TCF7L1: variants seen among roughly 807,000 people sequenced by gnomAD.
TCF7L1 encodes transcription factor 7 like 1.
A neutral mutation model predicts 63.7 loss-of-function variants in TCF7L1; 18 were observed. That is an observed-to-expected ratio of 0.28 (90% CI 0.20 to 0.42). TCF7L1 has a LOEUF of 0.42. Ranked by LOEUF, TCF7L1 falls within the 10% of genes least tolerant of loss-of-function variation. The probability of loss-of-function intolerance (pLI) is 1.00; values close to 1 mark genes in which losing one functional copy is unlikely to be tolerated. For missense variants in TCF7L1, 654 were observed against 779.3 expected, an observed-to-expected ratio of 0.84 and a Z score of 1.91; for synonymous variants, 355 against 340.9, an observed-to-expected ratio of 1.04 and a Z score of -0.46.
rs776421132 is a variant in TCF7L1 at position 85,134,993 on chromosome 2, C to G, written c.441+543C>G. 1.1e-4 allele frequency among the ~76,000 whole-genome samples: 17 copies of G among 152,194 alleles called. No homozygotes were observed. The highest frequency in any genetic ancestry group is 3.3e-4 in the Admixed American group (5 of 15,280). On this transcript the variant is annotated intron_variant, in intron 3 of 11. Transcript: ENST00000282111. This position sits in a 1 kb window ranked among gnomAD's most constrained non-coding sequence, Gnocchi z 5.0. ...CGGAGCTAGCTCCGAATTTTAAACT[C>G]GCGTAGATGATTTCGAGGCGACCCA...
chr2:85,153,340 A>ATGTTTTTTTTTTTTTTTTTTTTTTTT lies in TCF7L1; in HGVS notation c.441+18891_441+18892insGTTTTTTTTTTTTTTTTTTTTTTTTT, dbSNP rs750002994. The stretch of plus-strand genomic sequence containing the variant: ...TTCATGATCTTGCTAGCCTTTATAA[A>ATGTTTTTTTTTTTTTTTTTTTTTTTT]TTTTTTTTTTTTTTTTTTTGAGATG... On this transcript the variant is annotated intron_variant, in intron 3 of 11. Transcript: ENST00000282111. Among the ~76,000 whole-genome samples the ATGTTTTTTTTTTTTTTTTTTTTTTTT allele has an allele frequency of 3.7e-4, 38 of 102,268 alleles. 1 individual carries two copies. The highest frequency in any genetic ancestry group is 6.0e-4 in the Admixed American group (5 of 8,382). The allele number at this position is 102,268 out of a possible 152,430, so 67.1% of individuals were successfully genotyped here.
At chr2:85,155,568 A>G (rs777115219) in intron 3 of TCF7L1, among the ~76,000 whole-genome samples, 1 of 152,344 alleles carries the variant, frequency 6.6e-6, no homozygotes, top group East Asian at 1.9e-4. Flanking sequence ...AGATTGGTCT[A>G]TGGAACTGCT....
intron 4 of TCF7L1, among the ~76,000 whole-genome samples, chr2:85,301,274 GC>G (rs1681965589): frequency 6.6e-6 from 1 of 152,142 alleles, no homozygotes; most frequent in African/African-American, 2.4e-5. Flanking sequence ...TCCCAGCTCT[GC>G]CACTTACTAA....
intron 3 of TCF7L1, among the ~76,000 whole-genome samples, chr2:85,172,681 C>G (rs1275317997): frequency 6.6e-6 from 1 of 152,198 alleles, no homozygotes; most frequent in Non-Finnish European, 1.5e-5. Context: ...CCGCCTTGGC[C>G]TCCCAAAGTG....
At chr2:85,276,854 T>A (rs139407573) in intron 3 of TCF7L1, among the ~76,000 whole-genome samples, 1 of 151,996 alleles carries the variant, frequency 6.6e-6, no homozygotes, top group Non-Finnish European at 1.5e-5. Flanking sequence ...GCCTGGTGAG[T>A]GCTATGGAAA....
intron 6 of TCF7L1, 101 bp from the exon 7 acceptor site, chr2:85,304,154 C>A: frequency 7.4e-7 from 1 of 1,360,408 alleles, no homozygotes; most frequent in Non-Finnish European, 1.0e-6. Context: ...GCATTACCTT[C>A]CCGCTTCCTT....
intron 3 of TCF7L1, chr2:85,232,871 G>A (rs1458943960): frequency 6.6e-6 from 1 of 152,184 alleles, no homozygotes; most frequent in Non-Finnish European, 1.5e-5. Context: ...GTTACAGCTT[G>A]GCAGGTGTAA....
chr2:85,217,250 T>C (rs1158841296), intron 3 of TCF7L1: 3 of 152,210 alleles, frequency 2.0e-5, no homozygotes, highest in African/African-American at 7.2e-5. Context: ...CTTTGATAAT[T>C]ACAAACACGA....
intron 3 of TCF7L1, among the ~76,000 whole-genome samples, chr2:85,150,034 A>G (rs1677970352): frequency 1.3e-5 from 2 of 152,206 alleles, no homozygotes; most frequent in African/African-American, 4.8e-5. Context: ...AGACAGTACA[A>G]TTGTCTCATC....
At chr2:85,149,303 A>G (rs866534225) in intron 3 of TCF7L1, among the ~76,000 whole-genome samples, 1 of 135,746 alleles carries the variant, frequency 7.4e-6, no homozygotes, top group Non-Finnish European at 1.6e-5. Flanking sequence ...GTATATGTGT[A>G]TATATGTATA....
chr2:85,271,100 C>T (rs1313237911), intron 3 of TCF7L1, among the ~76,000 whole-genome samples: 1 of 151,764 alleles, frequency 6.6e-6, no homozygotes, highest in African/African-American at 2.4e-5. Flanking sequence ...ATCCAACAGC[C>T]TCCAGCAGGC....
In TCF7L1 at chr2:85,216,256, G is replaced by A. The variant is rs114669760; in HGVS notation, c.442-67239G>A. 8.9e-3 allele frequency among the ~76,000 whole-genome samples: 1,358 copies of A among 152,242 alleles called. 18 individuals carry two copies. The highest frequency in any genetic ancestry group is 0.031 in the African/African-American group (1,279 of 41,526). On this transcript the variant is annotated intron_variant, in intron 3 of 11. Transcript: ENST00000282111. ...AGCCTTTCCTTCCCCGTGGCTCCGG[G>A]CAGCTTTTTTCCCCCCATCCCCCAC...
At position 85,309,470 on chromosome 2, in the gene TCF7L1, C is replaced by A. The variant is rs763302679; in HGVS notation, c.*8C>A. On this transcript the variant is annotated 3_prime_UTR_variant, in exon 12 of 12. Coordinates refer to ENST00000282111, the MANE Select transcript of TCF7L1 (RefSeq NM_031283.3). ...ACCAAGTCTGCCCACTAAGCTCCCC[C>A]CGACCCCTGCAGGCTGTCACATGAC... The A allele has an allele frequency of 2.4e-4, 364 of 1,518,636 alleles. 1 individual carries two copies. The highest frequency in any genetic ancestry group is 5.4e-4 in the Middle Eastern group (3 of 5,600). 94.1% of individuals were successfully genotyped at this position (1,518,636 alleles called of 1,614,324 possible).
At chr2:85,141,009 G>A (rs977973767) in intron 3 of TCF7L1, among the ~76,000 whole-genome samples, 4 of 152,130 alleles carry the variant, frequency 2.6e-5, no homozygotes, top group Non-Finnish European at 5.9e-5. Flanking sequence ...TTTTGAGCCA[G>A]ATGCTGTGGC....
chr2:85,248,920 G>A (rs1411214033), intron 3 of TCF7L1, among the ~76,000 whole-genome samples: 1 of 151,876 alleles, frequency 6.6e-6, no homozygotes, highest in Admixed American at 6.6e-5. Flanking sequence ...CCAGCAACCC[G>A]TGCCTCCTCC....
At chr2:85,179,310 AG>A (rs1312722771) in intron 3 of TCF7L1, among the ~76,000 whole-genome samples, 1 of 152,146 alleles carries the variant, frequency 6.6e-6, no homozygotes, top group Non-Finnish European at 1.5e-5. Flanking sequence ...CTGGAGGAAT[AG>A]TTCTCAAATG....
intron 3 of TCF7L1, among the ~76,000 whole-genome samples, chr2:85,204,291 TCCCCC>T (rs58706474): frequency 4.5e-5 from 1 of 22,022 alleles, no homozygotes; most frequent in African/African-American, 1.9e-4. Context: ...ATAACTTGCT[TCCCCC>T]CCCCCCCCCA....
At chr2:85,260,465 C>T (rs1206169551) in intron 3 of TCF7L1, among the ~76,000 whole-genome samples, 2 of 151,602 alleles carry the variant, frequency 1.3e-5, no homozygotes, top group East Asian at 1.9e-4. Context: ...AGTGAGACCT[C>T]GTCTCTACAA....
rs1163761008 is a variant in TCF7L1, at chr2:85,306,803, T to C, written c.1257+244T>C. Reference sequence around the variant, plus strand: ...TCTCAGCCTCCCGAGTAGCTGGGACTACAGGCACCTGCCACCACACCCGGC... The same window carrying C: ...TCTCAGCCTCCCGAGTAGCTGGGACCACAGGCACCTGCCACCACACCCGGC... On this transcript the variant is annotated intron_variant, in intron 10 of 11. Transcript: ENST00000282111. The surrounding 1 kb of genome is among the most constrained non-coding windows in gnomAD (Gnocchi z 4.3). Among the ~76,000 whole-genome samples the C allele has an allele frequency of 6.6e-6, 1 of 152,174 alleles. No individual in the cohort carries two copies. Among genetic ancestry groups the C allele is most frequent in the African/African-American group, 2.4e-5 (1 of 41,424 alleles).
Sources: allele counts gnomAD v4.1 joint callset (sites outside exome capture counted in the v4.1 genomes callset), GRCh38; gene constraint gnomAD v4.1.1; non-coding constraint Gnocchi (gnomAD v3.1); transcripts MANE v1.5; gene names NCBI Gene and HGNC (gene_info 2026-07-23, HGNC 2026-07-21).